USP51: variants seen among roughly 807,000 people sequenced by gnomAD.
The protein encoded by USP51 is ubiquitin specific peptidase 51.
USP51 carries 5 observed loss-of-function variants against 17.6 expected under a neutral mutation model. The ratio of observed to expected loss-of-function variants is 0.28; its 90% confidence interval spans 0.15 to 0.60. The LOEUF (loss-of-function observed/expected upper bound fraction) is 0.60, where lower values mean the gene tolerates loss of function less well. Ranked by LOEUF, USP51 falls within the 20% of genes least tolerant of loss-of-function variation. The pLI, the probability that USP51 is intolerant of heterozygous loss-of-function variation, is 0.88. For missense variants in USP51, 459 were observed against 559.5 expected (o/e 0.82, Z 1.81); for synonymous variants, 248 against 216.1 (o/e 1.15, Z -1.29).
chrX:55,486,677 T>C lies in USP51; in HGVS notation c.*127A>G. On this transcript the variant is annotated 3_prime_UTR_variant, in exon 3 of 3. Coordinates refer to ENST00000500968, the MANE Select transcript of USP51 (RefSeq NM_201286.4). The stretch of plus-strand genomic sequence containing the variant: ...ACCCATGGGCCATGCTAAAATAGGT[T>C]CTTTATATCAAGATACTAGCTGTCA... 1.0e-6 allele frequency: 1 copy of C among 957,733 alleles called. No homozygotes were observed. Among genetic ancestry groups the C allele is most frequent in the South Asian group, 2.9e-5 (1 of 35,074 alleles). The allele number at this position is 957,733 out of a possible 1,213,427, so 78.9% of individuals were successfully genotyped here. A position where few individuals can be genotyped will look rare whatever the true frequency, so the allele number is the denominator to read the frequency against.
rs752649652 is a variant in USP51 at position 55,486,820 on chromosome X, C to A, written c.2120G>T (p.Gly707Val). The A allele has an allele frequency of 8.4e-7, 1 of 1,196,121 alleles. No homozygotes were observed. Among genetic ancestry groups the A allele is most frequent in the East Asian group, 3.0e-5 (1 of 33,662 alleles). ...CTGGTAAGACTAGTCTTTCTCTAGA[C>A]CCTGTTTGTGATAGAACAGTAAATA... is the stretch of plus-strand genomic sequence containing the variant. ...EGYLLFYHKQ[G>V]LEKD Residue 707 changes from glycine to valine, a missense_variant, in exon 3 of 3, where the codon GGT (glycine) becomes GTT (valine). This residue lies in a region of USP51 where 227 missense variants were observed against 365.5 expected (regional missense o/e 0.62). Coordinates refer to ENST00000500968, the MANE Select transcript of USP51 (RefSeq NM_201286.4).
Position 55,489,158 on chromosome X carries a change from G to A in USP51, c.-50+11C>T. The A allele has an allele frequency of 2.2e-6, 1 of 460,636 alleles. No individual in the cohort carries two copies. The highest frequency in any genetic ancestry group is 3.5e-5 in the South Asian group (1 of 28,723). 38.0% of individuals were successfully genotyped at this position (460,636 alleles called of 1,213,427 possible). On this transcript the variant is annotated intron_variant, in intron 2 of 2. Coordinates refer to ENST00000500968, the MANE Select transcript of USP51 (RefSeq NM_201286.4). ...GGCCCCTGGAGCTGATGGGGAGACC[G>A]AGGCGGTTACCTGCTTCAAAGGCGA...
rs899848295 is a variant in USP51, at chrX:55,485,029, C to G, written c.*1775G>C. Reference sequence around the variant, plus strand: ...AAATAAAGAGGGAATAAAGAATGAGCAGAAGGACTGCAAGCACAAACCCAT... The same window carrying G: ...AAATAAAGAGGGAATAAAGAATGAGGAGAAGGACTGCAAGCACAAACCCAT... On this transcript the variant is annotated 3_prime_UTR_variant, in exon 3 of 3. Transcript: ENST00000500968. The G allele has an allele frequency of 1.8e-5, 2 of 111,547 alleles. No homozygotes were observed. The highest frequency in any genetic ancestry group is 3.8e-5 in the Non-Finnish European group (2 of 53,141). The allele number at this position is 111,547 out of a possible 1,213,427, so 9.2% of individuals were successfully genotyped here. A position where few individuals can be genotyped will look rare whatever the true frequency, so the allele number is the denominator to read the frequency against.
chrX:55,487,745 T>C lies in USP51; in HGVS notation c.1195A>G (p.Ile399Val), dbSNP rs1375941170. The change falls in exon 3 of 3, where the codon ATA becomes GTA. Residue 399 changes from isoleucine to valine, a missense_variant. Ile to Val is a conservative substitution (Grantham distance 29). This residue lies in a region of USP51 where 227 missense variants were observed against 365.5 expected (regional missense o/e 0.62). Coordinates refer to ENST00000500968, the MANE Select transcript of USP51 (RefSeq NM_201286.4). ...DFFLSDKHKC[I>V]MTSPSLCLVC... Reference sequence around the variant, plus strand: ...AGACACAAGCTGGGGCTTGTCATTATACATTTGTGCTTGTCAGAGAGGAAG... The same window carrying C: ...AGACACAAGCTGGGGCTTGTCATTACACATTTGTGCTTGTCAGAGAGGAAG... 1 of 1,210,703 alleles carries C rather than the reference T, an allele frequency of 8.3e-7. No homozygotes were observed. Among genetic ancestry groups the C allele is most frequent in the African/African-American group, 1.7e-5 (1 of 57,333 alleles).
At position 55,487,178 on chromosome X, in the gene USP51, A is replaced by AT. The variant is rs1199599426; in HGVS notation, c.1761dup (p.Leu588IlefsTer13). ...AGATGAAAACAAGCCACAATGGGTAATTTTTTCATTGTGAGCTGTTTAGTA... is the reference window on the plus strand; with the variant it reads ...AGATGAAAACAAGCCACAATGGGTAATTTTTTTCATTGTGAGCTGTTTAGTA... On this transcript the variant is annotated frameshift_variant, in exon 3 of 3. Coordinates refer to ENST00000500968, the MANE Select transcript of USP51 (RefSeq NM_201286.4). LOFTEE classifies it high-confidence loss of function. The AT allele has an allele frequency of 8.3e-7, 1 of 1,211,462 alleles. No homozygotes were observed. The highest frequency in any genetic ancestry group is 1.1e-6 in the Non-Finnish European group (1 of 895,434).
chrX:55,485,463 A>G lies in USP51; in HGVS notation c.*1341T>C, dbSNP rs1039970270. The G allele has an allele frequency of 9.3e-6, 1 of 107,135 alleles. No individual in the cohort carries two copies. The highest frequency in any genetic ancestry group is 1.9e-5 in the Non-Finnish European group (1 of 52,020). The allele number at this position is 107,135 out of a possible 1,213,427, so 8.8% of individuals were successfully genotyped here. The stretch of plus-strand genomic sequence containing the variant: ...TGGTAAGATAATGATTAAAATGTCT[A>G]TTTCCTTTTCCAACGTATATTGATA... On this transcript the variant is annotated 3_prime_UTR_variant, in exon 3 of 3. Coordinates refer to ENST00000500968, the MANE Select transcript of USP51 (RefSeq NM_201286.4).
rs753006434 is a variant in USP51 at position 55,488,442 on chromosome X, G to A, written c.498C>T (p.Cys166=). ...CCCCCGACCCGTCTAGGTCACCAGA[G>A]CAGCTTCTCCGTGTCTGAGGCCTGG... ...PGSRPQTRRS[C]SGDLDGSGDP... is the part of the protein sequence containing the mutation. The change falls in exon 3 of 3, where the codon TGC becomes TGT. Residue 166 remains cysteine, a synonymous_variant. Transcript: ENST00000500968. The A allele has an allele frequency of 3.3e-6, 4 of 1,209,586 alleles. No individual in the cohort carries two copies. The highest frequency in any genetic ancestry group is 3.5e-5 in the African/African-American group (2 of 57,433).
rs982106427 is a variant in USP51, at chrX:55,487,290, T to A, written c.1650A>T (p.Thr550=). ...DDHIPGIPSL[T]DCLQWFTRPE... Reference sequence around the variant, plus strand: ...GCCTTGTAAACCACTGTAGACAGTCTGTAAGTGAGGGGATTCCTGGTATGT... The same window carrying A: ...GCCTTGTAAACCACTGTAGACAGTCAGTAAGTGAGGGGATTCCTGGTATGT... The change falls in exon 3 of 3, where the codon ACA becomes ACT. Residue 550 remains threonine, a synonymous_variant. Transcript: ENST00000500968. 1 of 1,209,755 alleles carries A rather than the reference T, an allele frequency of 8.3e-7. No homozygotes were observed. Among genetic ancestry groups the A allele is most frequent in the Non-Finnish European group, 1.1e-6 (1 of 895,089 alleles).
chrX:55,486,783 TCAGTAAG>T lies in USP51; in HGVS notation c.*14_*20del, dbSNP rs1569196377. On this transcript the variant is annotated 3_prime_UTR_variant, in exon 3 of 3. Transcript: ENST00000500968. Reference sequence around the variant, plus strand: ...CCTTGCCTAATCATTTACTTTTTTTTCAGTAAGTGGTCTGGTAAGACTAGTCTTTCTC... The same window carrying T: ...CCTTGCCTAATCATTTACTTTTTTTTTGGTCTGGTAAGACTAGTCTTTCTC... The T allele has an allele frequency of 1.7e-6, 2 of 1,157,776 alleles. No individual in the cohort carries two copies. Among genetic ancestry groups the T allele is most frequent in the Admixed American group, 5.5e-5 (2 of 36,494 alleles).
Position 55,488,659 on chromosome X carries a change from C to G in USP51, c.281G>C (p.Ser94Thr), listed in dbSNP as rs932916503. Residue 94 changes from serine (S) to threonine (T), a missense_variant, in exon 3 of 3, where the codon AGC becomes ACC. Transcript: ENST00000500968. ...LPSIPLRCHS[S>T]SSPVCPRRKP... is the part of the protein sequence containing the mutation. ...GCGGCGCGGGCAAACGGGCGAGGAG[C>G]TGCTGTGACAGCGAAGGGGGATTGA... 2.5e-6 allele frequency: 3 copies of G among 1,191,433 alleles called. No individual in the cohort carries two copies. Among genetic ancestry groups the G allele is most frequent in the Admixed American group, 2.2e-5 (1 of 45,350 alleles).
chrX:55,487,386 C>G lies in USP51; in HGVS notation c.1554G>C (p.Leu518Phe). The change falls in exon 3 of 3, where the codon TTG (leucine) becomes TTC (phenylalanine). Residue 518 changes from leucine to phenylalanine, a missense_variant. Leu to Phe is a conservative substitution (Grantham distance 22, BLOSUM62 0). Coordinates refer to ENST00000500968, the MANE Select transcript of USP51 (RefSeq NM_201286.4). ...IDPCWDISLD[L>F]PGSCATFDSQ... Reference sequence around the variant, plus strand: ...AATCGAATGTGGCACAAGAGCCAGGCAAGTCCAAACTGATGTCCCAGCATG... The same window carrying G: ...AATCGAATGTGGCACAAGAGCCAGGGAAGTCCAAACTGATGTCCCAGCATG... 2.5e-6 allele frequency: 3 copies of G among 1,211,737 alleles called. No homozygotes were observed. Among genetic ancestry groups the G allele is most frequent in the Non-Finnish European group, 1.1e-6 (1 of 895,573 alleles).
Position 55,487,071 on chromosome X carries a change from C to T in USP51, c.1869G>A (p.Pro623=), listed in dbSNP as rs149658457. The change falls in exon 3 of 3, where the codon CCG becomes CCA. Residue 623 remains proline, a synonymous_variant. Transcript: ENST00000500968. ...TGCTCTCTTTAGTAGAGGCCAAAAA[C>T]GGAGTCATGTCCAGCTCCAAGGGAA... is the stretch of plus-strand genomic sequence containing the variant. ...ISFPLELDMT[P]FLASTKESRM... The T allele has an allele frequency of 6.6e-5, 80 of 1,210,282 alleles. No homozygotes were observed. In the South Asian group the frequency reaches 1.4e-3, roughly 21 times the overall value.
In USP51 at chrX:55,486,075, C is replaced by G. The variant is rs1361585822; in HGVS notation, c.*729G>C. ...TTTTAAGATGTTCCTTTGTTTCTAACTTTAATTTTTAACAGTATTTTCTTC... is the reference window on the plus strand; with the variant it reads ...TTTTAAGATGTTCCTTTGTTTCTAAGTTTAATTTTTAACAGTATTTTCTTC... On this transcript the variant is annotated 3_prime_UTR_variant, in exon 3 of 3. Coordinates refer to ENST00000500968, the MANE Select transcript of USP51 (RefSeq NM_201286.4). 2 of 110,889 alleles carry G rather than the reference C, an allele frequency of 1.8e-5. No homozygotes were observed. The highest frequency in any genetic ancestry group is 3.7e-4 in the South Asian group (1 of 2,725). 9.1% of individuals were successfully genotyped at this position (110,889 alleles called of 1,213,427 possible). A position where few individuals can be genotyped will look rare whatever the true frequency, so the allele number is the denominator to read the frequency against.
Position 55,488,382 on chromosome X carries a change from G to T in USP51, c.558C>A (p.Val186=). The T allele has an allele frequency of 2.3e-5, 28 of 1,211,260 alleles. No homozygotes were observed. Among genetic ancestry groups the T allele is most frequent in the Non-Finnish European group, 3.0e-5 (27 of 895,147 alleles). The part of the protein sequence containing the change: ...PGGLGDWLLE[V]EFGQGPTGCS... Reference sequence around the variant, plus strand: ...AGCCTGTGGGACCCTGACCAAACTCGACCTCCAGCAACCAGTCCCCTAAGC... The same window carrying T: ...AGCCTGTGGGACCCTGACCAAACTCTACCTCCAGCAACCAGTCCCCTAAGC... The change falls in exon 3 of 3, where the codon GTC becomes GTA. Residue 186 remains valine, a synonymous_variant. Coordinates refer to ENST00000500968, the MANE Select transcript of USP51 (RefSeq NM_201286.4).
chrX:55,488,655 G>A lies in USP51; in HGVS notation c.285C>T (p.Ser95=). 1 of 1,188,779 alleles carries A rather than the reference G, an allele frequency of 8.4e-7. No individual in the cohort carries two copies. The highest frequency in any genetic ancestry group is 1.7e-5 in the African/African-American group (1 of 57,609). The change falls in exon 3 of 3, where the codon TCC becomes TCT. Residue 95 remains serine, a synonymous_variant. Coordinates refer to ENST00000500968, the MANE Select transcript of USP51 (RefSeq NM_201286.4). ...PSIPLRCHSS[S]SPVCPRRKPR... is the part of the protein sequence containing the mutation. The stretch of plus-strand genomic sequence containing the variant: ...GCTTGCGGCGCGGGCAAACGGGCGA[G>A]GAGCTGCTGTGACAGCGAAGGGGGA...
In USP51 at chrX:55,486,542, T is replaced by G; in HGVS notation, c.*262A>C. On this transcript the variant is annotated 3_prime_UTR_variant, in exon 3 of 3. Coordinates refer to ENST00000500968, the MANE Select transcript of USP51 (RefSeq NM_201286.4). The stretch of plus-strand genomic sequence containing the variant: ...ACTCCCGTTGTCCCCACCTAAAGCA[T>G]TCTTTTCATTTCATTATGCTTTATG... The G allele has an allele frequency of 2.7e-5, 8 of 298,042 alleles. No individual in the cohort carries two copies. The highest frequency in any genetic ancestry group is 1.1e-4 in the East Asian group (2 of 18,570). The allele number at this position is 298,042 out of a possible 1,213,427, so 24.6% of individuals were successfully genotyped here. A position where few individuals can be genotyped will look rare whatever the true frequency, so the allele number is the denominator to read the frequency against.
At position 55,486,927 on chromosome X, in the gene USP51, C is replaced by G. The variant is rs778618977; in HGVS notation, c.2013G>C (p.Arg671=). ...LESGHYTSFI[R]QQKDQWFSCD... ...AGCTGAACCACTGGTCCTTTTGTTGCCGGATGAAGCTGGTATAGTGGCCAC... is the reference window on the plus strand; with the variant it reads ...AGCTGAACCACTGGTCCTTTTGTTGGCGGATGAAGCTGGTATAGTGGCCAC... Residue 671 remains arginine (R), a synonymous_variant, in exon 3 of 3, where the codon CGG becomes CGC. Coordinates refer to ENST00000500968, the MANE Select transcript of USP51 (RefSeq NM_201286.4). The G allele has an allele frequency of 4.1e-6, 5 of 1,209,549 alleles. No individual in the cohort carries two copies. The South Asian group carries it at 7.0e-5, about 17-fold the overall frequency.
rs2031332233 is a variant in USP51 at position 55,487,246 on chromosome X, C to T, written c.1694G>A (p.Ser565Asn). The T allele has an allele frequency of 4.1e-6, 5 of 1,211,833 alleles. No individual in the cohort carries two copies. The highest frequency in any genetic ancestry group is 5.6e-6 in the Non-Finnish European group (5 of 895,539). The change falls in exon 3 of 3, where the codon AGT (serine) becomes AAT (asparagine). Residue 565 changes from serine (S) to asparagine (N), a missense_variant. Ser to Asn is a conservative substitution (Grantham distance 46). Transcript: ENST00000500968. ...GCAACTATTGCATTTGATTTTGGCA[C>T]TGCTTCCTAGGTGCTCTGGCCTTGT... ...WFTRPEHLGS[S>N]AKIKCNSCQS...
At position 55,488,699 on chromosome X, in the gene USP51, C is replaced by T. The variant is rs762173724; in HGVS notation, c.241G>A (p.Glu81Lys). ...NLTWSSSGGDEKVLPSIPLRC... is the reference protein window; with the variant it reads ...NLTWSSSGGDKKVLPSIPLRC... Reference sequence around the variant, plus strand: ...AGGGGGATTGAAGGGAGCACCTTCTCGTCGCCGCCGCTGCTGCTCCACGTC... The same window carrying T: ...AGGGGGATTGAAGGGAGCACCTTCTTGTCGCCGCCGCTGCTGCTCCACGTC... The change falls in exon 3 of 3, where the codon GAG (glutamate) becomes AAG (lysine). Residue 81 changes from glutamate (E) to lysine (K), a missense_variant. Glu to Lys is a moderately conservative substitution (Grantham distance 56, BLOSUM62 1). Coordinates refer to ENST00000500968, the MANE Select transcript of USP51 (RefSeq NM_201286.4). 1.0e-5 allele frequency: 12 copies of T among 1,200,772 alleles called. No homozygotes were observed. The highest frequency in any genetic ancestry group is 1.1e-5 in the Non-Finnish European group (10 of 894,926).
Sources: gnomAD v4.1 joint callset for allele counts on GRCh38, gnomAD v4.1.1 for gene constraint, gnomAD v4.1.1 regional missense constraint, MANE v1.5 for transcripts, NCBI Gene and HGNC (gene_info 2026-07-23, HGNC 2026-07-21) for gene names.